Variants in TRDN observed in about 807,000 individuals in gnomAD.
TRDN encodes triadin in skeletal muscle.
TRDN carries 161 observed loss-of-function variants against 149.7 expected under a neutral mutation model. The observed-to-expected ratio is 1.08, with a 90% CI of 0.95 to 1.23. The LOEUF (loss-of-function observed/expected upper bound fraction) is 1.23, where lower values mean the gene tolerates loss of function less well. Among genes scored for constraint, TRDN ranks in the 50% most tolerant of loss-of-function variants. The pLI, the probability that TRDN is intolerant of heterozygous loss-of-function variation, is 0.00. For missense variants in TRDN, 896 were observed against 823.5 expected (o/e 1.09, Z -1.08); for synonymous variants, 294 against 250.5 (o/e 1.17, Z -1.64).
At chr6:123,502,494 T>TTTA (rs1562350367) in intron 8 of TRDN, 2 of 891,170 alleles carry the variant, frequency 2.2e-6, no homozygotes, top group Admixed American at 6.2e-5. Context: ...CTTTTTAAAA[T>TTTA]ATATATTTTT....
chr6:123,327,599 T>C lies in TRDN; in HGVS notation c.1471+4280A>G, dbSNP rs1366845929. Among the ~76,000 whole-genome samples the C allele has an allele frequency of 2.0e-5, 3 of 152,130 alleles. No individual in the cohort carries two copies. In the East Asian group the frequency reaches 5.8e-4, roughly 29 times the overall value. ...TAACAGAGTTTGTTTCCATTGTGAA[T>C]AGGGTACCCTGAACGAATAAATTTT... On this transcript the variant is annotated intron_variant, in intron 23 of 40. Coordinates refer to ENST00000334268, the MANE Select transcript of TRDN (RefSeq NM_006073.4).
chr6:123,238,875 T>C (rs1340147471), intron 38 of TRDN, among the ~76,000 whole-genome samples: 1 of 152,194 alleles, frequency 6.6e-6, no homozygotes, highest in Non-Finnish European at 1.5e-5. Flanking sequence ...GGAGTCTCAC[T>C]CTTTGGCCAG....
At chr6:123,312,927 T>A (rs1778887135) in intron 24 of TRDN, among the ~76,000 whole-genome samples, 1 of 152,032 alleles carries the variant, frequency 6.6e-6, no homozygotes, top group Non-Finnish European at 1.5e-5. Flanking sequence ...GTAGTGACAT[T>A]AGCATAATAT....
At chr6:123,386,609 A>G (rs1582951777) in intron 14 of TRDN, among the ~76,000 whole-genome samples, 1 of 152,020 alleles carries the variant, frequency 6.6e-6, no homozygotes, top group Non-Finnish European at 1.5e-5. Flanking sequence ...CTGTGAGACC[A>G]CCTCCCACAT....
chr6:123,497,120 G>T, intron 9 of TRDN, 73 bp downstream of exon 9: 1 of 1,155,640 alleles, frequency 8.7e-7, no homozygotes, highest in East Asian at 2.8e-5. Flanking sequence ...AATACAGTTA[G>T]GTACATAAAA....
At chr6:123,590,736 C>A (rs1045943261) in intron 1 of TRDN, among the ~76,000 whole-genome samples, 2 of 152,056 alleles carry the variant, frequency 1.3e-5, no homozygotes, top group Non-Finnish European at 2.9e-5. Flanking sequence ...CTACTCCAGC[C>A]TGGGCGAAAG....
At chr6:123,591,452 G>A (rs1006367686) in intron 1 of TRDN, among the ~76,000 whole-genome samples, 2 of 152,038 alleles carry the variant, frequency 1.3e-5, no homozygotes, top group Non-Finnish European at 2.9e-5. Context: ...CACCATGTTG[G>A]CCAGGCTGGT....
At chr6:123,415,466 T>C (rs1370886033) in intron 12 of TRDN, among the ~76,000 whole-genome samples, 3 of 152,238 alleles carry the variant, frequency 2.0e-5, no homozygotes, top group African/African-American at 7.2e-5. Flanking sequence ...TGCAGGTGAC[T>C]GAGGCAAGGC....
chr6:123,620,041 A>G (rs1261666809), intron 1 of TRDN, among the ~76,000 whole-genome samples: 4 of 152,150 alleles, frequency 2.6e-5, no homozygotes, highest in South Asian at 4.1e-4. Flanking sequence ...ATTGCCCATG[A>G]AAAGAATCTT....
At chr6:123,499,440 A>G (rs1305295746) in intron 8 of TRDN, among the ~76,000 whole-genome samples, 2 of 151,552 alleles carry the variant, frequency 1.3e-5, no homozygotes, top group Non-Finnish European at 1.5e-5. Context: ...AACAAACCAC[A>G]CGCCTGTAAT....
At chr6:123,562,107 C>A (rs145557925) in intron 2 of TRDN, among the ~76,000 whole-genome samples, 136 of 152,238 alleles carry the variant, frequency 8.9e-4, no homozygotes, top group Middle Eastern at 3.4e-3. Flanking sequence ...CTTCTCCTGG[C>A]TCATCCTGGC....
In TRDN at chr6:123,503,806, T is replaced by A; in HGVS notation, c.706A>T (p.Lys236Ter). The part of the protein sequence containing the change: ...KQEKVKQTAA[K>*]VKEVQKTPSK... Reference sequence around the variant, plus strand: ...GGTGTTTTCTGTACTTCTTTTACTTTTGCAGCTGTTTGCTTCACTTTCTCC... The same window carrying A: ...GGTGTTTTCTGTACTTCTTTTACTTATGCAGCTGTTTGCTTCACTTTCTCC... The change falls in exon 8 of 41, where the codon AAA (lysine) becomes TAA (stop). Residue 236 changes from lysine (K) to a stop codon, truncating the protein, a stop_gained. Coordinates refer to ENST00000334268, the MANE Select transcript of TRDN (RefSeq NM_006073.4). LOFTEE classifies it high-confidence loss of function. The A allele has an allele frequency of 1.2e-6, 2 of 1,611,802 alleles. No individual in the cohort carries two copies. The highest frequency in any genetic ancestry group is 1.7e-6 in the Non-Finnish European group (2 of 1,178,752).
At chr6:123,323,147 A>G (rs1779320043) in intron 23 of TRDN, among the ~76,000 whole-genome samples, 1 of 152,196 alleles carries the variant, frequency 6.6e-6, no homozygotes, top group Non-Finnish European at 1.5e-5. Flanking sequence ...AAACCAAAAT[A>G]TGAAGCAGAA....
chr6:123,454,768 G>C (rs1750972460), intron 10 of TRDN, among the ~76,000 whole-genome samples: 1 of 152,166 alleles, frequency 6.6e-6, no homozygotes, highest in African/African-American at 2.4e-5. Flanking sequence ...CACATGCAAG[G>C]GATCTAGGTT....
At chr6:123,552,038 T>C (rs757024104) in intron 2 of TRDN, among the ~76,000 whole-genome samples, 10 of 151,914 alleles carry the variant, frequency 6.6e-5, no homozygotes, top group African/African-American at 2.4e-4. Flanking sequence ...AAAAAATGAG[T>C]CCACGATGAC....
chr6:123,438,186 G>A (rs1302069950), intron 11 of TRDN, 64 bp from the exon 12 acceptor site: 4 of 1,185,396 alleles, frequency 3.4e-6, no homozygotes, highest in African/African-American at 1.6e-5. Flanking sequence ...TTCAGGGCAT[G>A]CATGACTACC....
At chr6:123,485,610 T>C (rs1205936331) in intron 9 of TRDN, among the ~76,000 whole-genome samples, 3 of 151,984 alleles carry the variant, frequency 2.0e-5, no homozygotes, top group Non-Finnish European at 4.4e-5. Context: ...GGGTAGAAAA[T>C]CACAATTCTG....
chr6:123,408,099 A>G (rs1773270280), intron 12 of TRDN, among the ~76,000 whole-genome samples: 1 of 152,180 alleles, frequency 6.6e-6, no homozygotes, highest in Admixed American at 6.5e-5. Context: ...ACCTGGTTTT[A>G]TGCTGGTACT....
intron 25 of TRDN, 28 bp from the exon 26 acceptor site, chr6:123,278,375 A>C: frequency 1.6e-6 from 2 of 1,222,788 alleles, no homozygotes; most frequent in Non-Finnish European, 2.2e-6. Flanking sequence ...CATTAGTAAC[A>C]ATGATTATAG....
Sources: gnomAD v4.1 joint callset for allele counts (sites outside exome capture counted in the v4.1 genomes callset) on GRCh38, gnomAD v4.1.1 for gene constraint, MANE v1.5 for transcripts, NCBI Gene and HGNC (gene_info 2026-07-23, HGNC 2026-07-21) for gene names.